Variants in KHDC1 observed in about 807,000 individuals in gnomAD.
KHDC1 encodes KH homology domain-containing protein 1.
A neutral mutation model predicts 24.7 loss-of-function variants in KHDC1; 21 were observed. The ratio of observed to expected loss-of-function variants is 0.85; its 90% CI spans 0.60 to 1.23. The LOEUF (loss-of-function observed/expected upper bound fraction) is 1.23, where lower values mean the gene tolerates loss of function less well. Among genes scored for constraint, KHDC1 ranks in the 50% most tolerant of loss-of-function variants. The pLI is 0.00. For synonymous variants in KHDC1, 98 were observed against 111.7 expected (o/e 0.88, Z 0.77); for missense variants, 274 against 298.5 (o/e 0.92, Z 0.61).
intron 2 of KHDC1, among the ~76,000 whole-genome samples, chr6:73,264,310 T>G: frequency 6.6e-6 from 1 of 152,164 alleles, no homozygotes; most frequent in East Asian, 1.9e-4. Context: ...TCAAGATAGC[T>G]AAGATGAGTG....
Position 73,282,135 on chromosome 6 carries a change from T to G in KHDC1, c.206+9863A>C, listed in dbSNP as rs369803089. Among the ~76,000 whole-genome samples, 986 of 136,398 alleles carry G rather than the reference T, an allele frequency of 7.2e-3. 6 individuals are homozygous for G. Among genetic ancestry groups the G allele is most frequent in the Non-Finnish European group, 9.0e-3 (539 of 60,046 alleles). 89.5% of individuals were successfully genotyped at this position (136,398 alleles called of 152,430 possible). A position where few individuals can be genotyped will look rare whatever the true frequency, so the allele number is the denominator to read the frequency against. Reference sequence around the variant, plus strand: ...CAGGAGGCTGAGGCATGAGAATTGCTTGTACTCGGAAGGCGAAGGTTGTAG... The same window carrying G: ...CAGGAGGCTGAGGCATGAGAATTGCGTGTACTCGGAAGGCGAAGGTTGTAG... On this transcript the variant is annotated intron_variant, in intron 2 of 4. Coordinates refer to ENST00000370384, the Ensembl canonical transcript of KHDC1.
At chr6:73,266,242 T>C (rs921785141) in intron 2 of KHDC1, among the ~76,000 whole-genome samples, 9 of 152,254 alleles carry the variant, frequency 5.9e-5, no homozygotes, top group African/African-American at 7.2e-5. Context: ...TTAAAACCTT[T>C]AATGAAAACA....
chr6:73,292,517 A>C, intron 1 of KHDC1: 1 of 769,478 alleles, frequency 1.3e-6, no homozygotes, highest in South Asian at 1.3e-5. Context: ...GGATGCAGAC[A>C]TGGAAGACCT....
chr6:73,277,322 A>G (rs1050537746), intron 2 of KHDC1, among the ~76,000 whole-genome samples: 1 of 152,128 alleles, frequency 6.6e-6, no homozygotes, highest in African/African-American at 2.4e-5. Context: ...AAAATTAGCC[A>G]GGCATGTTGG....
chr6:73,262,360 C>T (rs753536484), intron 2 of KHDC1, among the ~76,000 whole-genome samples: 5 of 152,236 alleles, frequency 3.3e-5, no homozygotes, highest in Non-Finnish European at 7.3e-5. Context: ...CCCTTGTTTC[C>T]TGTTACAGCA....
At chr6:73,252,690 G>A (rs1337921127) in intron 2 of KHDC1, among the ~76,000 whole-genome samples, 4 of 151,952 alleles carry the variant, frequency 2.6e-5, no homozygotes, top group Non-Finnish European at 4.4e-5. Flanking sequence ...GGTGGCTCAC[G>A]CCTGTAGTCC....
chr6:73,280,684 C>T (rs1404360323), intron 2 of KHDC1, among the ~76,000 whole-genome samples: 2 of 151,592 alleles, frequency 1.3e-5, no homozygotes, highest in East Asian at 3.9e-4. Flanking sequence ...CCACACACAG[C>T]TAATTTTGTA....
At chr6:73,253,319 G>T (rs968927903) in intron 2 of KHDC1, among the ~76,000 whole-genome samples, 15 of 152,244 alleles carry the variant, frequency 9.9e-5, no homozygotes, top group African/African-American at 3.1e-4. Flanking sequence ...ACTTTGGGAG[G>T]CCGAGGGGGG....
Position 73,263,643 on chromosome 6 carries a change from C to T in KHDC1, c.207-21113G>A, listed in dbSNP as rs112363805. Among the ~76,000 whole-genome samples, 380 of 151,710 alleles carry T rather than the reference C, an allele frequency of 2.5e-3. 4 individuals are homozygous for T. Among genetic ancestry groups the T allele is most frequent in the Middle Eastern group, 6.8e-3 (2 of 294 alleles). On this transcript the variant is annotated intron_variant, in intron 2 of 4. Transcript: ENST00000370384. ...GGGGGTGACCCAGGCCCACCCTCTG[C>T]AGGGCACTTAAAATGCTCCACATCC...
In KHDC1 at chr6:73,242,528, G is replaced by A. The variant is rs766265823; in HGVS notation, c.209C>T (p.Ser70Leu). The change falls in exon 3 of 5, where the codon TCG becomes TTG. Residue 70 changes from serine to leucine, a missense_variant and splice_region_variant. By Grantham distance (145) the Ser-to-Leu change is moderately radical. Transcript: ENST00000370384. ...CGTTCCCATGTCCATGCTCTGCTCC[G>A]ACCTGATACAGAATAGGGCCAAGTC... is the stretch of plus-strand genomic sequence containing the variant. 29 of 1,613,898 alleles carry A rather than the reference G, an allele frequency of 1.8e-5. No homozygotes were observed. In the African/African-American group the frequency reaches 1.9e-4, roughly 10 times the overall value.
At chr6:73,306,546 C>T (rs895035138) in intron 1 of KHDC1, among the ~76,000 whole-genome samples, 1 of 152,166 alleles carries the variant, frequency 6.6e-6, no homozygotes, top group African/African-American at 2.4e-5. Context: ...ACTGCTTGTG[C>T]TAAAGCTAGC....
At chr6:73,261,288 C>A (rs1182002793) in intron 2 of KHDC1, among the ~76,000 whole-genome samples, 1 of 151,616 alleles carries the variant, frequency 6.6e-6, no homozygotes, top group East Asian at 1.9e-4. Flanking sequence ...ACTAAAAATA[C>A]AAAAATTAGC....
chr6:73,255,620 G>C lies in KHDC1; in HGVS notation c.207-13090C>G, dbSNP rs138219908. On this transcript the variant is annotated intron_variant, in intron 2 of 4. Coordinates refer to ENST00000370384, the Ensembl canonical transcript of KHDC1. ...GCGGTCATTAGAAAGTGACAGGTCA[G>C]ACCAGACATGGTGGCTCATGCCTGT... Among the ~76,000 whole-genome samples, 6 of 147,716 alleles carry C rather than the reference G, an allele frequency of 4.1e-5. No homozygotes were observed. In the East Asian group the frequency reaches 1.3e-3, roughly 31 times the overall value.
At chr6:73,307,140 C>A (rs1401961314) in intron 1 of KHDC1, among the ~76,000 whole-genome samples, 5 of 151,836 alleles carry the variant, frequency 3.3e-5, no homozygotes, top group African/African-American at 1.2e-4. Flanking sequence ...ATTATATAAC[C>A]ATTAGAGCAG....
At chr6:73,280,233 T>C (rs1395162957) in intron 2 of KHDC1, among the ~76,000 whole-genome samples, 7 of 152,152 alleles carry the variant, frequency 4.6e-5, no homozygotes, top group Admixed American at 3.9e-4. Flanking sequence ...CACAACTCAC[T>C]ACAGCCTCTA....
chr6:73,250,034 T>C (rs1766750296), intron 2 of KHDC1, among the ~76,000 whole-genome samples: 6 of 152,200 alleles, frequency 3.9e-5, no homozygotes, highest in Admixed American at 3.9e-4. Flanking sequence ...CAAATGATAA[T>C]CTATGAGAAA....
At chr6:73,278,348 T>G (rs502282) in intron 2 of KHDC1, among the ~76,000 whole-genome samples, 96,295 of 151,732 alleles carry the variant, frequency 0.63, 34,212 homozygotes, top group Non-Finnish European at 0.78. Context: ...TGCCTATATT[T>G]CTATTGATGT....
intron 2 of KHDC1, among the ~76,000 whole-genome samples, chr6:73,259,280 CTTTT>C (rs59935884): frequency 1.1e-3 from 78 of 73,238 alleles, no homozygotes; most frequent in Non-Finnish European, 1.4e-3. Flanking sequence ...ATCCAATATG[CTTTT>C]TTTTTTTTTT....
intron 1 of KHDC1, chr6:73,292,968 CT>C (rs1294732746): frequency 2.2e-6 from 2 of 924,908 alleles, no homozygotes; most frequent in Admixed American, 3.6e-5. Context: ...ATATTTGAGA[CT>C]TTCTGTCACA....
Sources: gnomAD v4.1 joint callset for allele counts (sites outside exome capture counted in the v4.1 genomes callset) on GRCh38, gnomAD v4.1.1 for gene constraint, MANE v1.5 for transcripts, NCBI Gene and HGNC (gene_info 2026-07-23, HGNC 2026-07-21) for gene names.